Variants in GNPDA1 observed in about 807,000 individuals in gnomAD.
The protein encoded by GNPDA1 is GNPDA 1.
GNPDA1 carries 24 observed loss-of-function variants against 28.5 expected under a neutral mutation model. That is an observed-to-expected ratio of 0.84 (90% CI 0.61 to 1.19). GNPDA1 has a LOEUF of 1.19. GNPDA1 is among the 50% of genes most tolerant of loss of function. The probability of loss-of-function intolerance (pLI) is 0.00; values close to 1 mark genes in which losing one functional copy is unlikely to be tolerated. For missense variants in GNPDA1, 264 were observed against 367.3 expected (o/e 0.72, Z 2.30); for synonymous variants, 147 against 139.3 (o/e 1.06, Z -0.39).
intron 3 of GNPDA1, among the ~76,000 whole-genome samples, chr5:142,007,536 AAT>A (rs1447849068): frequency 6.6e-6 from 1 of 152,212 alleles, no homozygotes; most frequent in Non-Finnish European, 1.5e-5. Context: ...GAGATACTCT[AAT>A]ATTTATTAAG....
rs779194491 is a variant in GNPDA1 at position 142,002,078 on chromosome 5, T to G, written c.821A>C (p.Glu274Ala). Reference sequence around the variant, plus strand: ...AGATTGGCTTTTCTCAGTTTCTTTCTCTTTGATACTGTACAAGGGGTCCAC... The same window carrying G: ...AGATTGGCTTTTCTCAGTTTCTTTCGCTTTGATACTGTACAAGGGGTCCAC... ...KLVDPLYSIKEKETEKSQSSK... is the reference protein window; with the variant it reads ...KLVDPLYSIKAKETEKSQSSK... Residue 274 changes from glutamate to alanine, a missense_variant, in exon 7 of 7, where the codon GAG (glutamate) becomes GCG (alanine). Physicochemically the swap from Glu to Ala is moderately radical, Grantham distance 107. Transcript: ENST00000311337. The G allele has an allele frequency of 1.0e-5, 16 of 1,607,134 alleles. No homozygotes were observed. The South Asian group carries it at 1.5e-4, about 15-fold the overall frequency.
Position 142,002,018 on chromosome 5 carries a change from C to T in GNPDA1, c.*11G>A, listed in dbSNP as rs761887606. On this transcript the variant is annotated 3_prime_UTR_variant, in exon 7 of 7. Coordinates refer to ENST00000311337, the MANE Select transcript of GNPDA1 (RefSeq NM_005471.5). ...TCCCTATGGGTACTTGACACTAGGTCCCAGCACAGGCTAATCGCTGTATGG... is the reference window on the plus strand; with the variant it reads ...TCCCTATGGGTACTTGACACTAGGTTCCAGCACAGGCTAATCGCTGTATGG... 3 of 1,415,202 alleles carry T rather than the reference C, an allele frequency of 2.1e-6. No homozygotes were observed. Among genetic ancestry groups the T allele is most frequent in the South Asian group, 1.2e-5 (1 of 85,942 alleles). 87.7% of individuals were successfully genotyped at this position (1,415,202 alleles called of 1,614,324 possible). A position where few individuals can be genotyped will look rare whatever the true frequency, so the allele number is the denominator to read the frequency against.
At chr5:142,008,025 C>T (rs146302687) in intron 2 of GNPDA1, 125 bp from the exon 3 acceptor site, 1 of 654,298 alleles carries the variant, frequency 1.5e-6, no homozygotes, top group African/African-American at 1.8e-5. Context: ...CTACCCAGTA[C>T]TCCAATCCTA....
intron 2 of GNPDA1, among the ~76,000 whole-genome samples, chr5:142,011,179 T>A (rs1401665519): frequency 2.7e-5 from 4 of 149,388 alleles, no homozygotes; most frequent in Non-Finnish European, 5.9e-5. Flanking sequence ...GCTAGTGAAG[T>A]CTAACATATT....
intron 3 of GNPDA1, 31 bp downstream of exon 3, chr5:142,007,768 C>G (rs1366686358): frequency 7.6e-7 from 1 of 1,315,462 alleles, no homozygotes; most frequent in South Asian, 1.2e-5. Context: ...CTCCTAGAAT[C>G]AGGAAAGAAC....
chr5:142,002,988 T>A, intron 6 of GNPDA1, 100 bp downstream of exon 6: 1 of 897,800 alleles, frequency 1.1e-6, no homozygotes, highest in Non-Finnish European at 1.7e-6. Context: ...AAGATTACAG[T>A]TGTCAATTAA....
In GNPDA1 at chr5:142,004,111, T is replaced by C. The variant is rs1454433497; in HGVS notation, c.594+821A>G. ...TTTCCTGATTTCCAGCCCCAGGTCC[T>C]TTCCCAGATCAAGATGCCCTCATGA... On this transcript the variant is annotated intron_variant, in intron 5 of 6. Transcript: ENST00000311337. 3.3e-5 allele frequency among the ~76,000 whole-genome samples: 5 copies of C among 152,196 alleles called. No individual in the cohort carries two copies. In the East Asian group the frequency reaches 7.7e-4, roughly 23 times the overall value.
chr5:142,006,549 G>A (rs1390855541), intron 3 of GNPDA1, among the ~76,000 whole-genome samples: 4 of 152,190 alleles, frequency 2.6e-5, no homozygotes, highest in African/African-American at 9.7e-5. Flanking sequence ...CACAGGGCTT[G>A]GCCAGAGTAA....
In GNPDA1 at chr5:142,001,915, A is replaced by G; in HGVS notation, c.*114T>C. On this transcript the variant is annotated 3_prime_UTR_variant, in exon 7 of 7. Coordinates refer to ENST00000311337, the MANE Select transcript of GNPDA1 (RefSeq NM_005471.5). ...ATGGCCAAGAACAATAAGTTCACCC[A>G]CTTATCTGGAGTAACCATACTAGAT... is the stretch of plus-strand genomic sequence containing the variant. 1 of 511,246 alleles carries G rather than the reference A, an allele frequency of 2.0e-6. No individual in the cohort carries two copies. The highest frequency in any genetic ancestry group is 3.5e-6 in the Non-Finnish European group (1 of 289,276). The allele number at this position is 511,246 out of a possible 1,614,324, so 31.7% of individuals were successfully genotyped here.
chr5:142,007,992 G>A (rs1755850696), intron 2 of GNPDA1, 92 bp from the exon 3 acceptor site: 2 of 734,194 alleles, frequency 2.7e-6, no homozygotes, highest in Admixed American at 2.1e-5. Context: ...TGCTCACAGG[G>A]AGAACCTGTC....
chr5:142,010,960 CTTTTT>C (rs1005137481), intron 2 of GNPDA1, among the ~76,000 whole-genome samples: 3 of 151,746 alleles, frequency 2.0e-5, no homozygotes, highest in Non-Finnish European at 2.9e-5. Flanking sequence ...ATTGTCTTTT[CTTTTT>C]TTGAGACAGG....
Position 142,006,343 on chromosome 5 carries a change from C to T in GNPDA1, c.227-17G>A. On this transcript the variant is annotated splice_polypyrimidine_tract_variant and intron_variant, in intron 3 of 6. Transcript: ENST00000311337. ...GAGGAAGGCCTGTGGGGCCGTGAGA[C>T]ACTCGGTTATGCCTAGGCCAAGCCA... 6.2e-7 allele frequency: 1 copy of T among 1,602,586 alleles called. No individual in the cohort carries two copies. The highest frequency in any genetic ancestry group is 8.5e-7 in the Non-Finnish European group (1 of 1,172,198).
At chr5:142,005,379 T>C in intron 4 of GNPDA1, 1 of 330,554 alleles carries the variant, frequency 3.0e-6, no homozygotes, top group South Asian at 9.3e-5. Flanking sequence ...GTTAACTTGC[T>C]ATCACCCTCA....
intron 5 of GNPDA1, among the ~76,000 whole-genome samples, chr5:142,004,183 C>T (rs924220614): frequency 2.6e-5 from 4 of 152,136 alleles, no homozygotes; most frequent in Admixed American, 1.3e-4. Context: ...CTAAAAACAG[C>T]GAGTAAACAC....
At chr5:142,010,441 G>A (rs779983185) in intron 2 of GNPDA1, among the ~76,000 whole-genome samples, 20 of 151,968 alleles carry the variant, frequency 1.3e-4, no homozygotes, top group South Asian at 2.1e-4. Context: ...TTACAGGCGT[G>A]AGCCACCACA....
rs116552155 is a variant in GNPDA1, at chr5:142,009,293, C to T, written c.125-1393G>A. Among the ~76,000 whole-genome samples the T allele has an allele frequency of 3.7e-3, 562 of 152,146 alleles. 3 individuals are homozygous for T. The highest frequency in any genetic ancestry group is 0.013 in the African/African-American group (532 of 41,506). On this transcript the variant is annotated intron_variant, in intron 2 of 6. Transcript: ENST00000311337. ...TAGCTTCTCATTTCACCCTCAGCAACACCAGTTATTCTAAGGCTCCACAGA... is the reference window on the plus strand; with the variant it reads ...TAGCTTCTCATTTCACCCTCAGCAATACCAGTTATTCTAAGGCTCCACAGA...
At position 142,003,066 on chromosome 5, in the gene GNPDA1, C is replaced by G. The variant is rs759133934; in HGVS notation, c.769+22G>C. On this transcript the variant is annotated intron_variant, in intron 6 of 6. Coordinates refer to ENST00000311337, the MANE Select transcript of GNPDA1 (RefSeq NM_005471.5). The surrounding 1 kb of genome is among the most constrained non-coding windows in gnomAD (Gnocchi z 4.0). Reference sequence around the variant, plus strand: ...CACACCCTAAGCTTGACCACCTCCTCCTGGACCCACACCTCCCTCACCTTT... The same window carrying G: ...CACACCCTAAGCTTGACCACCTCCTGCTGGACCCACACCTCCCTCACCTTT... 51 of 1,602,366 alleles carry G rather than the reference C, an allele frequency of 3.2e-5. No individual in the cohort carries two copies. In the South Asian group the frequency reaches 5.3e-4, roughly 17 times the overall value.
chr5:142,002,447 T>C (rs935534439), intron 6 of GNPDA1, among the ~76,000 whole-genome samples: 2 of 152,206 alleles, frequency 1.3e-5, no homozygotes, highest in African/African-American at 4.8e-5. Flanking sequence ...TAAAGCAGTG[T>C]GCATCCTTTT....
In GNPDA1 at chr5:142,006,238, G is replaced by A. The variant is rs377197981; in HGVS notation, c.315C>T (p.His105=). 8.7e-6 allele frequency: 14 copies of A among 1,613,394 alleles called. No individual in the cohort carries two copies. The African/African-American group carries it at 1.7e-4, about 20-fold the overall frequency. ...KHIDIHPENT[H]ILDGNAVDLQ... ...GGTCGACTGCATTCCCATCCAGAATGTGGGTGTTTTCTGGGTGGATGTCAA... is the reference window on the plus strand; with the variant it reads ...GGTCGACTGCATTCCCATCCAGAATATGGGTGTTTTCTGGGTGGATGTCAA... The change falls in exon 4 of 7, where the codon CAC becomes CAT. Residue 105 remains histidine (H), a synonymous_variant. Transcript: ENST00000311337.
Sources: gnomAD v4.1 joint callset for allele counts (sites outside exome capture counted in the v4.1 genomes callset) on GRCh38, gnomAD v4.1.1 for gene constraint, Gnocchi (gnomAD v3.1) non-coding constraint, MANE v1.5 for transcripts, NCBI Gene and HGNC (gene_info 2026-07-23, HGNC 2026-07-21) for gene names.